CA10: variants seen among roughly 807,000 people sequenced by gnomAD.
The protein encoded by CA10 is carbonic anhydrase-related protein 10.
Under a neutral mutation model 44.2 loss-of-function variants are expected in CA10, and 14 were observed. The ratio of observed to expected loss-of-function variants is 0.32; its 90% CI spans 0.21 to 0.50. The LOEUF (loss-of-function observed/expected upper bound fraction) is 0.50. Among genes scored for constraint, CA10 ranks in the 20% least tolerant of loss-of-function variants. The pLI, the probability that CA10 is intolerant of heterozygous loss-of-function variation, is 0.99. For missense variants in CA10, 350 were observed against 409.7 expected, an observed-to-expected ratio of 0.85 and a Z score of 1.26; for synonymous variants, 159 against 141.6, an observed-to-expected ratio of 1.12 and a Z score of -0.87.
intron 1 of CA10, among the ~76,000 whole-genome samples, chr17:52,145,438 T>C (rs1160775441): frequency 1.3e-5 from 2 of 152,180 alleles, no homozygotes. Context: ...AATTCCTCCA[T>C]GCCACAGAAG....
intron 2 of CA10, among the ~76,000 whole-genome samples, chr17:52,005,646 C>T (rs891015726): frequency 2.0e-5 from 3 of 151,952 alleles, no homozygotes; most frequent in African/African-American, 7.2e-5. Context: ...ACCAGACTTT[C>T]ATGGTCCAGG....
chr17:52,091,028 A>G (rs1222618854), intron 1 of CA10, among the ~76,000 whole-genome samples: 1 of 152,218 alleles, frequency 6.6e-6, no homozygotes, highest in Non-Finnish European at 1.5e-5. Flanking sequence ...TGGAACACTC[A>G]CACTAAGAAA....
At chr17:51,699,311 G>A (rs1045972802) in intron 4 of CA10, among the ~76,000 whole-genome samples, 18 of 143,514 alleles carry the variant, frequency 1.3e-4, no homozygotes, top group African/African-American at 4.1e-4. Context: ...TGACAAGAGC[G>A]AAACTCCATC....
At chr17:51,882,260 A>C (rs1026143695) in intron 3 of CA10, among the ~76,000 whole-genome samples, 4 of 152,050 alleles carry the variant, frequency 2.6e-5, no homozygotes, top group Non-Finnish European at 5.9e-5. Flanking sequence ...AAATATAAGT[A>C]ATTGATGAAA....
intron 3 of CA10, among the ~76,000 whole-genome samples, chr17:51,864,510 A>T (rs1979458100): frequency 1.3e-5 from 2 of 152,064 alleles, no homozygotes; most frequent in South Asian, 4.1e-4. Context: ...TCCTATTTTC[A>T]TTGAGTTCAT....
chr17:51,734,423 G>A (rs1472962782), intron 4 of CA10, among the ~76,000 whole-genome samples: 1 of 152,172 alleles, frequency 6.6e-6, no homozygotes, highest in Non-Finnish European at 1.5e-5. Flanking sequence ...CGTAGGGTGA[G>A]CATATGATTC....
At chr17:51,899,428 A>T (rs1042463620) in intron 3 of CA10, among the ~76,000 whole-genome samples, 3 of 152,066 alleles carry the variant, frequency 2.0e-5, no homozygotes, top group African/African-American at 7.2e-5. Flanking sequence ...TGTGGTTGGT[A>T]ACATATATTT....
At chr17:51,674,134 C>T (rs751399387) in intron 4 of CA10, among the ~76,000 whole-genome samples, 26 of 152,174 alleles carry the variant, frequency 1.7e-4, no homozygotes, top group Non-Finnish European at 3.2e-4. Context: ...TTGTGTACAG[C>T]GCATCTCCCA....
At chr17:52,061,102 C>A (rs535602195) in intron 2 of CA10, among the ~76,000 whole-genome samples, 1 of 152,146 alleles carries the variant, frequency 6.6e-6, no homozygotes, top group East Asian at 1.9e-4. Flanking sequence ...TCTAATCCAC[C>A]AAACCTGTGA....
At chr17:51,659,719 C>T (rs1373279086) in intron 4 of CA10, among the ~76,000 whole-genome samples, 1 of 152,166 alleles carries the variant, frequency 6.6e-6, no homozygotes, top group African/African-American at 2.4e-5. Context: ...TCATTTAATT[C>T]TTGAAAACTT....
At chr17:51,677,340 A>T (rs1040995031) in intron 4 of CA10, among the ~76,000 whole-genome samples, 2 of 152,034 alleles carry the variant, frequency 1.3e-5, no homozygotes, top group Admixed American at 1.3e-4. Context: ...TGAGTGAGTT[A>T]TCATGAGATG....
intron 1 of CA10, among the ~76,000 whole-genome samples, chr17:52,087,871 C>T (rs1048152726): frequency 3.9e-5 from 6 of 152,106 alleles, no homozygotes; most frequent in Admixed American, 1.3e-4. Flanking sequence ...GAAGAGTTAA[C>T]GGTAGAAGCC....
intron 3 of CA10, among the ~76,000 whole-genome samples, chr17:51,779,117 C>T (rs935668657): frequency 2.0e-4 from 31 of 152,124 alleles, no homozygotes; most frequent in African/African-American, 7.2e-4. Context: ...CAGGGTGCAA[C>T]AGAACAGGTG....
intron 3 of CA10, among the ~76,000 whole-genome samples, chr17:51,813,905 T>C (rs1336353297): frequency 6.6e-5 from 10 of 152,236 alleles, no homozygotes; most frequent in Non-Finnish European, 1.5e-4. Flanking sequence ...GCACTCTTTC[T>C]TCAATGTTTC....
chr17:52,021,323 C>A (rs1292149069), intron 2 of CA10, among the ~76,000 whole-genome samples: 1 of 152,016 alleles, frequency 6.6e-6, no homozygotes, highest in East Asian at 1.9e-4. Context: ...TGGAGATATA[C>A]CCAGCAATGG....
intron 2 of CA10, among the ~76,000 whole-genome samples, chr17:51,935,419 T>C (rs530989721): frequency 6.6e-6 from 1 of 152,284 alleles, no homozygotes; most frequent in South Asian, 2.1e-4. Flanking sequence ...TCACTCTAAT[T>C]AATGGACAAC....
intron 2 of CA10, among the ~76,000 whole-genome samples, chr17:52,067,729 C>A (rs1420776666): frequency 6.6e-6 from 1 of 152,202 alleles, no homozygotes; most frequent in African/African-American, 2.4e-5. Context: ...ATCAGCATGA[C>A]CTGGATGTGA....
intron 2 of CA10, among the ~76,000 whole-genome samples, chr17:52,046,232 C>T (rs1053843058): frequency 8.9e-5 from 13 of 146,848 alleles, no homozygotes; most frequent in Admixed American, 4.7e-4. Context: ...AAATGGAAAA[C>T]AAAGAAAAAA....
chr17:52,088,809 C>A (rs1363119764), intron 1 of CA10, among the ~76,000 whole-genome samples: 1 of 152,086 alleles, frequency 6.6e-6, no homozygotes, highest in Admixed American at 6.5e-5. Context: ...AAGAAAAAAA[C>A]CCTTACACTT....
Sources: gnomAD v4.1 joint callset for allele counts (sites outside exome capture counted in the v4.1 genomes callset) on GRCh38, gnomAD v4.1.1 for gene constraint, MANE v1.5 for transcripts, NCBI Gene and HGNC (gene_info 2026-07-23, HGNC 2026-07-21) for gene names.